Variants in PPP1R14C observed in about 807,000 individuals in gnomAD.
PPP1R14C encodes protein phosphatase 1 regulatory subunit 14C.
A neutral mutation model predicts 20.4 loss-of-function variants in PPP1R14C; 16 were observed. That is an observed-to-expected ratio of 0.78 (90% CI 0.53 to 1.19). The LOEUF (loss-of-function observed/expected upper bound fraction) is 1.19, where lower values mean the gene tolerates loss of function less well. PPP1R14C is among the 50% of genes most tolerant of loss of function. The pLI is 0.00. For missense variants in PPP1R14C, 211 were observed against 220.1 expected (o/e 0.96, Z 0.26); for synonymous variants, 91 against 91.0 (o/e 1.00, Z 0.00).
intron 3 of PPP1R14C, among the ~76,000 whole-genome samples, chr6:150,243,030 A>G (rs926900391): frequency 1.5e-4 from 23 of 152,194 alleles, no homozygotes; most frequent in African/African-American, 5.6e-4. Context: ...GTTAGTTCTT[A>G]ACTGAGAGTA....
At position 150,249,400 on chromosome 6, in the gene PPP1R14C, A is replaced by G. The variant is rs1778534823; in HGVS notation, c.*580A>G. 5.0e-6 allele frequency: 2 copies of G among 398,680 alleles called. No homozygotes were observed. The highest frequency in any genetic ancestry group is 4.4e-5 in the Admixed American group (1 of 22,718). 24.7% of individuals were successfully genotyped at this position (398,680 alleles called of 1,614,324 possible). ...TCTTCACTGAGTGCTGCTGACTTCA[A>G]CGTTCACTTTATGCACCAAAGTGAA... is the stretch of plus-strand genomic sequence containing the variant. On this transcript the variant is annotated 3_prime_UTR_variant, in exon 4 of 4. Transcript: ENST00000361131.
intron 1 of PPP1R14C, among the ~76,000 whole-genome samples, chr6:150,152,235 A>G (rs1421117507): frequency 6.6e-6 from 1 of 152,024 alleles, no homozygotes; most frequent in Non-Finnish European, 1.5e-5. Flanking sequence ...ACTGAAGTAC[A>G]GGGAGTTTGA....
chr6:150,212,800 TA>T (rs1396278582), intron 1 of PPP1R14C, among the ~76,000 whole-genome samples: 5 of 152,258 alleles, frequency 3.3e-5, no homozygotes, highest in Non-Finnish European at 7.3e-5. Context: ...TACCGTTGCC[TA>T]CATTATTCCG....
Position 150,182,713 on chromosome 6 carries a change from A to G in PPP1R14C, c.307-32031A>G, listed in dbSNP as rs149765575. On this transcript the variant is annotated intron_variant, in intron 1 of 3. Transcript: ENST00000361131. ...AGATAATACATGTGAGGTGCACAGT[A>G]TAGTGGCTGTTACCAAGTAGGTACA... 1.6e-3 allele frequency among the ~76,000 whole-genome samples: 246 copies of G among 152,356 alleles called. 1 individual carries two copies. Among genetic ancestry groups the G allele is most frequent in the African/African-American group, 5.6e-3 (233 of 41,594 alleles).
intron 1 of PPP1R14C, among the ~76,000 whole-genome samples, chr6:150,174,688 G>C (rs1000956556): frequency 2.6e-5 from 4 of 151,782 alleles, no homozygotes; most frequent in African/African-American, 9.7e-5. Flanking sequence ...GTGAAAGCTG[G>C]GCGCAGTGGC....
intron 1 of PPP1R14C, among the ~76,000 whole-genome samples, chr6:150,163,320 G>T (rs1777390978): frequency 6.6e-6 from 1 of 152,204 alleles, no homozygotes; most frequent in Non-Finnish European, 1.5e-5. Context: ...GAACCTGGGA[G>T]GCGGAGATTG....
In PPP1R14C at chr6:150,201,844, T is replaced by A. The variant is rs1445469795; in HGVS notation, c.307-12900T>A. Among the ~76,000 whole-genome samples the A allele has an allele frequency of 6.6e-6, 1 of 152,050 alleles. No individual in the cohort carries two copies. Among genetic ancestry groups the A allele is most frequent in the African/African-American group, 2.4e-5 (1 of 41,406 alleles). On this transcript the variant is annotated intron_variant, in intron 1 of 3. Coordinates refer to ENST00000361131, the MANE Select transcript of PPP1R14C (RefSeq NM_030949.3). The surrounding 1 kb of genome is among the most constrained non-coding windows in gnomAD (Gnocchi z 4.2). ...CGGTAAGCCATAGAATTGACAGTTATGGTGATGGATTGGATGGTGGCGACA... is the reference window on the plus strand; with the variant it reads ...CGGTAAGCCATAGAATTGACAGTTAAGGTGATGGATTGGATGGTGGCGACA...
At chr6:150,163,059 T>C (rs1215407111) in intron 1 of PPP1R14C, among the ~76,000 whole-genome samples, 1 of 152,270 alleles carries the variant, frequency 6.6e-6, no homozygotes, top group East Asian at 1.9e-4. Flanking sequence ...CAGAAAGTAC[T>C]GTGAGGTAAA....
intron 1 of PPP1R14C, among the ~76,000 whole-genome samples, chr6:150,183,706 T>C (rs1777646956): frequency 6.6e-6 from 1 of 152,006 alleles, no homozygotes; most frequent in African/African-American, 2.4e-5. Flanking sequence ...AGAGATGGGG[T>C]TTCACCACCT....
intron 1 of PPP1R14C, among the ~76,000 whole-genome samples, chr6:150,204,937 C>T (rs952517948): frequency 6.6e-6 from 1 of 151,470 alleles, no homozygotes; most frequent in Non-Finnish European, 1.5e-5. Flanking sequence ...GAAGTGGCCT[C>T]TTGAGCCCTT....
At chr6:150,179,870 T>C (rs1270878508) in intron 1 of PPP1R14C, among the ~76,000 whole-genome samples, 4 of 152,116 alleles carry the variant, frequency 2.6e-5, no homozygotes, top group African/African-American at 9.7e-5. Context: ...GTAAGGTGTG[T>C]TTTGGGGAAA....
At chr6:150,209,281 G>T (rs1452010132) in intron 1 of PPP1R14C, among the ~76,000 whole-genome samples, 1 of 152,208 alleles carries the variant, frequency 6.6e-6, no homozygotes, top group Admixed American at 6.5e-5. Context: ...TTCAGGTGAG[G>T]TTTTAGCTTG....
rs937283918 is a variant in PPP1R14C, at chr6:150,143,687, C to T, written c.306+189C>T. Among the ~76,000 whole-genome samples, 1 of 152,204 alleles carries T rather than the reference C, an allele frequency of 6.6e-6. No homozygotes were observed. The highest frequency in any genetic ancestry group is 1.9e-4 in the East Asian group (1 of 5,168). ...GGCGTCGGGCTCAGCGGTTGGGACG[C>T]CCCTGTCTGGGTTCGGCTGCCGGTG... On this transcript the variant is annotated intron_variant, in intron 1 of 3. Coordinates refer to ENST00000361131, the MANE Select transcript of PPP1R14C (RefSeq NM_030949.3). The surrounding 1 kb of genome is among the most constrained non-coding windows in gnomAD (Gnocchi z 5.6).
chr6:150,175,673 C>G (rs956146209), intron 1 of PPP1R14C, among the ~76,000 whole-genome samples: 1 of 152,110 alleles, frequency 6.6e-6, no homozygotes, highest in Non-Finnish European at 1.5e-5. Flanking sequence ...AGAACTGTTG[C>G]TTTGTATGAT....
rs559609383 is a variant in PPP1R14C at position 150,195,455 on chromosome 6, C to T, written c.307-19289C>T. 3.3e-5 allele frequency among the ~76,000 whole-genome samples: 5 copies of T among 152,308 alleles called. No individual in the cohort carries two copies. The East Asian group carries it at 9.7e-4, about 29-fold the overall frequency. ...CTCTGCCTCCTGGGCTCAAGCTATC[C>T]TCCCACCTCAGCCTCCTGAGTAGCT... On this transcript the variant is annotated intron_variant, in intron 1 of 3. Coordinates refer to ENST00000361131, the MANE Select transcript of PPP1R14C (RefSeq NM_030949.3).
intron 1 of PPP1R14C, among the ~76,000 whole-genome samples, chr6:150,149,879 C>A (rs902130687): frequency 5.3e-5 from 8 of 152,132 alleles, no homozygotes; most frequent in African/African-American, 1.7e-4. Flanking sequence ...TGAACATGGG[C>A]AAATATTCTC....
At chr6:150,243,223 C>T (rs1054082673) in intron 3 of PPP1R14C, among the ~76,000 whole-genome samples, 16 of 149,982 alleles carry the variant, frequency 1.1e-4, no homozygotes, top group East Asian at 5.9e-4. Flanking sequence ...TCACCCAGGC[C>T]GGAGTGCAAT....
Position 150,249,800 on chromosome 6 carries a change from G to A in PPP1R14C, c.*980G>A. On this transcript the variant is annotated 3_prime_UTR_variant, in exon 4 of 4. Transcript: ENST00000361131. The stretch of plus-strand genomic sequence containing the variant: ...AGGTTCTGGTAGCTTCTGTGCCTGG[G>A]TAGTATCAGACCAGTGGGAGTAAAC... 2.8e-6 allele frequency: 1 copy of A among 360,318 alleles called. No homozygotes were observed. The allele number at this position is 360,318 out of a possible 1,614,324, so 22.3% of individuals were successfully genotyped here. A position where few individuals can be genotyped will look rare whatever the true frequency, so the allele number is the denominator to read the frequency against.
intron 1 of PPP1R14C, among the ~76,000 whole-genome samples, chr6:150,167,966 CT>C (rs1465924735): frequency 1.3e-3 from 1 of 770 alleles, no homozygotes; most frequent in Non-Finnish European, 2.8e-3. Context: ...CTCCTCCCCT[CT>C]TTCTCTCCTT....
Sources: gnomAD v4.1 joint callset for allele counts (sites outside exome capture counted in the v4.1 genomes callset) on GRCh38, gnomAD v4.1.1 for gene constraint, Gnocchi (gnomAD v3.1) non-coding constraint, MANE v1.5 for transcripts, NCBI Gene and HGNC (gene_info 2026-07-23, HGNC 2026-07-21) for gene names.